MMD2: variants seen among roughly 807,000 people sequenced by gnomAD.
MMD2 encodes the protein monocyte to macrophage differentiation factor 2.
Under a neutral mutation model 33.5 loss-of-function variants are expected in MMD2, and 30 were observed. The observed-to-expected ratio is 0.90, with a 90% CI of 0.67 to 1.22. The LOEUF (loss-of-function observed/expected upper bound fraction) is 1.22. Among genes scored for constraint, MMD2 ranks in the 50% most tolerant of loss-of-function variants. MMD2 has a pLI of 0.00. For missense variants in MMD2, 364 were observed against 325.4 expected (o/e 1.12, Z -0.91); for synonymous variants, 129 against 123.0 (o/e 1.05, Z -0.32).
the MMD2 span, among the ~76,000 whole-genome samples, chr7:4,899,912 GC>G: frequency 6.6e-6 from 1 of 152,116 alleles, no homozygotes; most frequent in African/African-American, 2.4e-5. Context: ...TGCAACAGGG[GC>G]AAAAATCCAT....
At chr7:4,903,636 G>A (rs1015274856), downstream of MMD2, among the ~76,000 whole-genome samples, 2 of 152,220 alleles carry the variant, frequency 1.3e-5, no homozygotes, top group African/African-American at 2.4e-5. Flanking sequence ...GCACGCAGCC[G>A]GGGTGTGGGA....
chr7:4,948,706 T>G (rs1051395078), intron 1 of MMD2, among the ~76,000 whole-genome samples: 4 of 152,202 alleles, frequency 2.6e-5, no homozygotes, highest in African/African-American at 7.2e-5. Context: ...AAGTCTGCCA[T>G]CTACCACCTG....
chr7:4,897,288 T>A, the MMD2 span, among the ~76,000 whole-genome samples: 1 of 151,528 alleles, frequency 6.6e-6, no homozygotes, highest in African/African-American at 2.4e-5. Context: ...TTTTTTTTTT[T>A]AAGTTCTTTC....
intron 1 of MMD2, among the ~76,000 whole-genome samples, chr7:4,954,610 G>A (rs144250373): frequency 2.6e-4 from 40 of 151,906 alleles, no homozygotes; most frequent in African/African-American, 9.2e-4. Context: ...GTAGAGATGG[G>A]GTTTCACCAT....
intron 3 of MMD2, among the ~76,000 whole-genome samples, chr7:4,919,167 G>T (rs995458458): frequency 6.6e-6 from 1 of 152,118 alleles, no homozygotes; most frequent in African/African-American, 2.4e-5. Flanking sequence ...TTATTAGAAA[G>T]ATTAGGGAAT....
the MMD2 span, among the ~76,000 whole-genome samples, chr7:4,900,224 T>A: frequency 6.6e-6 from 1 of 151,840 alleles, no homozygotes; most frequent in African/African-American, 2.4e-5. Context: ...AGTGCACCAC[T>A]GCACTCCAGC....
chr7:4,954,819 T>G (rs1352276236), intron 1 of MMD2, among the ~76,000 whole-genome samples: 2 of 152,222 alleles, frequency 1.3e-5, no homozygotes, highest in Non-Finnish European at 2.9e-5. Flanking sequence ...AAGTTATTCT[T>G]TTATAGATTC....
At chr7:4,892,315 C>T in the MMD2 span, among the ~76,000 whole-genome samples, 1 of 152,036 alleles carries the variant, frequency 6.6e-6, no homozygotes, top group African/African-American at 2.4e-5. Flanking sequence ...AGGCCGGGCA[C>T]GGTGGCTCAC....
At chr7:4,904,117 G>C (rs941098150), downstream of MMD2, among the ~76,000 whole-genome samples, 10 of 152,160 alleles carry the variant, frequency 6.6e-5, no homozygotes, top group Non-Finnish European at 1.5e-4. Flanking sequence ...ATTTTTAGTA[G>C]AGACGGGGTT....
At chr7:4,896,266 G>A in the MMD2 span, among the ~76,000 whole-genome samples, 1 of 152,140 alleles carries the variant, frequency 6.6e-6, no homozygotes, top group African/African-American at 2.4e-5. Flanking sequence ...GACTGCCTGA[G>A]CTCAGGAGTT....
At chr7:4,941,912 C>T (rs911522491) in intron 1 of MMD2, among the ~76,000 whole-genome samples, 3 of 149,854 alleles carry the variant, frequency 2.0e-5, no homozygotes, top group Non-Finnish European at 4.4e-5. Flanking sequence ...TTTAAAGATA[C>T]ATTTGTGGTG....
In MMD2 at chr7:4,946,095, A is replaced by ACG. The variant is rs1786072023; in HGVS notation, c.47+12875_47+12876insCG. 6.6e-6 allele frequency among the ~76,000 whole-genome samples: 1 copy of ACG among 150,926 alleles called. No homozygotes were observed. Among genetic ancestry groups the ACG allele is most frequent in the Admixed American group, 6.6e-5 (1 of 15,134 alleles). On this transcript the variant is annotated intron_variant, in intron 1 of 6. Transcript: ENST00000401401. This position sits in a 1 kb window ranked among gnomAD's most constrained non-coding sequence, Gnocchi z 5.0. ...CACACGCACGCACACGCACGCACAC[A>ACG]CACGCATGCACACGCGCACACGCAC...
intron 1 of MMD2, among the ~76,000 whole-genome samples, chr7:4,935,507 T>C (rs1785714399): frequency 2.6e-5 from 4 of 151,650 alleles, no homozygotes; most frequent in Admixed American, 2.0e-4. Context: ...GAGACCTTAT[T>C]TCCACAAAAA....
chr7:4,915,044 G>A (rs969767010), intron 4 of MMD2, among the ~76,000 whole-genome samples: 16 of 152,250 alleles, frequency 1.1e-4, no homozygotes, highest in East Asian at 1.9e-4. Flanking sequence ...AGGCTGAGGC[G>A]GGAGGATGGC....
intron 1 of MMD2, among the ~76,000 whole-genome samples, chr7:4,957,843 C>G (rs930774512): frequency 3.3e-5 from 5 of 152,144 alleles, no homozygotes; most frequent in Admixed American, 3.3e-4. Context: ...AGGGTTCCGT[C>G]CTGTCCGCCA....
At chr7:4,918,848 G>A (rs1039582299) in intron 3 of MMD2, among the ~76,000 whole-genome samples, 8 of 151,452 alleles carry the variant, frequency 5.3e-5, no homozygotes, top group African/African-American at 1.5e-4. Flanking sequence ...TTGTAATCCC[G>A]GCACTTTGGG....
At chr7:4,903,411 G>A (rs1229245268), downstream of MMD2, among the ~76,000 whole-genome samples, 2 of 150,688 alleles carry the variant, frequency 1.3e-5, no homozygotes, top group Non-Finnish European at 3.0e-5. Flanking sequence ...ACCCTCAAGC[G>A]CTATCCTATG....
chr7:4,955,309 C>G (rs1786353279), intron 1 of MMD2, among the ~76,000 whole-genome samples: 1 of 152,126 alleles, frequency 6.6e-6, no homozygotes, highest in African/African-American at 2.4e-5. Flanking sequence ...TTCCAGGTGA[C>G]CAGGTGGTTA....
Position 4,940,792 on chromosome 7 carries a change from G to A in MMD2, c.48-15260C>T, listed in dbSNP as rs886969070. Among the ~76,000 whole-genome samples, 1 of 152,152 alleles carries A rather than the reference G, an allele frequency of 6.6e-6. No homozygotes were observed. Among genetic ancestry groups the A allele is most frequent in the African/African-American group, 2.4e-5 (1 of 41,434 alleles). ...GCTTGCATCTCGTGCCAGAGGCGCGGGACTCTGGCATGATCTGCAGGAGAC... is the reference window on the plus strand; with the variant it reads ...GCTTGCATCTCGTGCCAGAGGCGCGAGACTCTGGCATGATCTGCAGGAGAC... On this transcript the variant is annotated intron_variant, in intron 1 of 6. Transcript: ENST00000401401. This position sits in a 1 kb window ranked among gnomAD's most constrained non-coding sequence, Gnocchi z 5.0.
Sources: gnomAD v4.1 joint callset for allele counts (sites outside exome capture counted in the v4.1 genomes callset) on GRCh38, gnomAD v4.1.1 for gene constraint, Gnocchi (gnomAD v3.1) non-coding constraint, MANE v1.5 for transcripts, NCBI Gene and HGNC (gene_info 2026-07-23, HGNC 2026-07-21) for gene names.